The following VPS26A variants were observed in gnomAD, a reference collection of about 807,000 sequenced individuals.
VPS26A encodes VPS26 retromer complex component A.
Under a neutral mutation model 42.4 loss-of-function variants are expected in VPS26A, and 22 were observed. That is an observed-to-expected ratio of 0.52 (90% confidence interval 0.37 to 0.74). The LOEUF is 0.74. Ranked by LOEUF, VPS26A falls within the 30% of genes least tolerant of loss-of-function variation. The pLI, the probability that VPS26A is intolerant of heterozygous loss-of-function variation, is 0.00. For synonymous variants in VPS26A, 110 were observed against 123.5 expected (o/e 0.89, Z 0.73); for missense variants, 276 against 379.2 (o/e 0.73, Z 2.26).
At chr10:69,152,687 C>T (rs374304472) in intron 2 of VPS26A, among the ~76,000 whole-genome samples, 9 of 152,034 alleles carry the variant, frequency 5.9e-5, no homozygotes, top group South Asian at 2.1e-4. Context: ...TAGTAAAAAA[C>T]GGCGGGGCAC....
At chr10:69,130,690 C>T (rs1040759878) in intron 1 of VPS26A, among the ~76,000 whole-genome samples, 1 of 152,182 alleles carries the variant, frequency 6.6e-6, no homozygotes, top group African/African-American at 2.4e-5. Context: ...CAGAAGCTCC[C>T]TTTGTGCTTT....
At chr10:69,165,322 T>C (rs1162665164) in intron 6 of VPS26A, among the ~76,000 whole-genome samples, 2 of 152,098 alleles carry the variant, frequency 1.3e-5, no homozygotes, top group Admixed American at 6.5e-5. Flanking sequence ...TGATTTCTTT[T>C]ATTATTATTA....
rs1423835236 is a variant in VPS26A at position 69,168,650 on chromosome 10, T to A, written c.870+19T>A. The A allele has an allele frequency of 1.2e-6, 2 of 1,610,284 alleles. No individual in the cohort carries two copies. Among genetic ancestry groups the A allele is most frequent in the Non-Finnish European group, 1.7e-6 (2 of 1,178,388 alleles). ...ACAGCAGGTATGGTGCCACTTGGGC[T>A]GGTATTATGTTCTGCGGCAGATCTA... On this transcript the variant is annotated intron_variant, in intron 8 of 8. Transcript: ENST00000263559.
At chr10:69,127,727 CTTTTTTTT>C (rs572346560) in intron 1 of VPS26A, among the ~76,000 whole-genome samples, 3 of 85,064 alleles carry the variant, frequency 3.5e-5, no homozygotes, top group African/African-American at 9.6e-5. Flanking sequence ...TTAAAAATAT[CTTTTTTTT>C]TTTTTTTTTT....
Position 69,130,454 on chromosome 10 carries a change from T to C in VPS26A, c.4-2444T>C, listed in dbSNP as rs192838403. Among the ~76,000 whole-genome samples, 7 of 152,374 alleles carry C rather than the reference T, an allele frequency of 4.6e-5. No individual in the cohort carries two copies. The East Asian group carries it at 1.3e-3, about 29-fold the overall frequency. ...ATTGGAACTGTTGAAGAAAGAGCTC[T>C]GAACGTTGGAGGCTGAGTAGTTGGA... On this transcript the variant is annotated intron_variant, in intron 1 of 8. Coordinates refer to ENST00000263559, the MANE Select transcript of VPS26A (RefSeq NM_004896.5).
intron 6 of VPS26A, among the ~76,000 whole-genome samples, chr10:69,165,313 G>T (rs927908180): frequency 6.6e-6 from 1 of 151,962 alleles, no homozygotes; most frequent in Admixed American, 6.6e-5. Context: ...AAACATCTGT[G>T]ATTTCTTTTA....
chr10:69,148,645 A>G (rs1841215936), intron 2 of VPS26A, among the ~76,000 whole-genome samples: 1 of 152,232 alleles, frequency 6.6e-6, no homozygotes, highest in South Asian at 2.1e-4. Context: ...AACAGTGTAG[A>G]ATAATGTAAC....
At chr10:69,132,484 C>T (rs1368881365) in intron 1 of VPS26A, among the ~76,000 whole-genome samples, 1 of 149,538 alleles carries the variant, frequency 6.7e-6, no homozygotes, top group Non-Finnish European at 1.5e-5. Context: ...CTCTTGTTGC[C>T]TAGGCTGGAG....
chr10:69,166,084 A>T lies in VPS26A; in HGVS notation c.701A>T (p.Glu234Val). The T allele has an allele frequency of 6.2e-7, 1 of 1,614,086 alleles. No homozygotes were observed. Among genetic ancestry groups the T allele is most frequent in the South Asian group, 1.1e-5 (1 of 91,074 alleles). Residue 234 changes from glutamate (E) to valine (V), a missense_variant, in exon 7 of 9, where the codon GAA becomes GTA. Transcript: ENST00000263559. ...TTETETIAKY[E>V]IMDGAPVKGE... ...GAAACAGAAACAATCGCCAAATATG[A>T]AATAATGGATGGTGCACCAGTAAAA...
chr10:69,169,410 T>G (rs2132242595), intron 8 of VPS26A, among the ~76,000 whole-genome samples: 1 of 152,230 alleles, frequency 6.6e-6, no homozygotes, highest in Admixed American at 6.5e-5. Context: ...ATGAGATGAC[T>G]GAATTCTAAT....
intron 5 of VPS26A, among the ~76,000 whole-genome samples, chr10:69,158,922 A>G (rs1841491662): frequency 6.6e-6 from 1 of 152,312 alleles, no homozygotes; most frequent in East Asian, 1.9e-4. Context: ...CTTCGATACA[A>G]TCTGTGGGAA....
At chr10:69,136,262 T>C (rs1009261370) in intron 2 of VPS26A, among the ~76,000 whole-genome samples, 7 of 146,758 alleles carry the variant, frequency 4.8e-5, no homozygotes, top group South Asian at 2.1e-4. Flanking sequence ...CATTTTTCTT[T>C]TCTTTTCTTT....
intron 5 of VPS26A, among the ~76,000 whole-genome samples, chr10:69,160,236 T>C (rs1005542863): frequency 2.0e-5 from 3 of 152,030 alleles, no homozygotes; most frequent in Admixed American, 6.6e-5. Context: ...CTCGGCTCAC[T>C]GCAACCTCTG....
intron 1 of VPS26A, among the ~76,000 whole-genome samples, chr10:69,131,249 G>A (rs1001167445): frequency 1.1e-4 from 17 of 152,084 alleles, no homozygotes; most frequent in Admixed American, 1.1e-3. Flanking sequence ...GAAAGTGCTG[G>A]GATTACAAGT....
intron 8 of VPS26A, among the ~76,000 whole-genome samples, chr10:69,170,532 A>G (rs978226173): frequency 4.4e-4 from 67 of 152,202 alleles, no homozygotes; most frequent in Non-Finnish European, 2.5e-4. Flanking sequence ...AGGTAGAGAA[A>G]TCGAGATTTG....
intron 6 of VPS26A, among the ~76,000 whole-genome samples, chr10:69,163,447 T>C (rs1371287309): frequency 6.6e-6 from 1 of 152,240 alleles, no homozygotes; most frequent in East Asian, 1.9e-4. Flanking sequence ...ATGTTATCAG[T>C]AAGTCCTCTT....
intron 2 of VPS26A, among the ~76,000 whole-genome samples, chr10:69,149,605 A>G (rs1841246146): frequency 6.6e-6 from 1 of 152,018 alleles, no homozygotes; most frequent in Non-Finnish European, 1.5e-5. Flanking sequence ...ACTGAGCTCA[A>G]GTGATCCTCA....
intron 2 of VPS26A, among the ~76,000 whole-genome samples, chr10:69,134,598 ATTATT>A (rs956635624): frequency 6.6e-6 from 1 of 151,704 alleles, no homozygotes; most frequent in African/African-American, 2.4e-5. Context: ...AAACAATCTT[ATTATT>A]TTAATTTGCA....
At chr10:69,164,030 G>T (rs1841625253) in intron 6 of VPS26A, among the ~76,000 whole-genome samples, 1 of 151,974 alleles carries the variant, frequency 6.6e-6, no homozygotes, top group Non-Finnish European at 1.5e-5. Flanking sequence ...GCCTCCCAAA[G>T]TGCTGGGATT....
Sources: allele counts gnomAD v4.1 joint callset (sites outside exome capture counted in the v4.1 genomes callset), GRCh38; gene constraint gnomAD v4.1.1; transcripts MANE v1.5; gene names NCBI Gene and HGNC (gene_info 2026-07-23, HGNC 2026-07-21).